MARCHF1: variants seen among roughly 807,000 people sequenced by gnomAD.
MARCHF1 encodes E3 ubiquitin-protein ligase MARCHF1.
Under a neutral mutation model 54.2 loss-of-function variants are expected in MARCHF1, and 40 were observed. The observed-to-expected ratio is 0.74, with a 90% CI of 0.57 to 0.96. MARCHF1 has a LOEUF of 0.96. Among genes scored for constraint, MARCHF1 ranks in the 40% least tolerant of loss-of-function variants. The pLI, the probability that MARCHF1 is intolerant of heterozygous loss-of-function variation, is 0.00. For synonymous variants in MARCHF1, 236 were observed against 236.3 expected (o/e 1.00, Z 0.01); for missense variants, 586 against 656.5 (o/e 0.89, Z 1.17).
At chr4:164,352,524 G>A (rs1730379447) in intron 1 of MARCHF1, among the ~76,000 whole-genome samples, 1 of 142,524 alleles carries the variant, frequency 7.0e-6, no homozygotes, top group Admixed American at 7.0e-5. Context: ...CTTCATAAGT[G>A]AAGGAGAAAT....
At chr4:163,545,945 ATATG>A (rs1208442706) in intron 8 of MARCHF1, among the ~76,000 whole-genome samples, 1 of 91,192 alleles carries the variant, frequency 1.1e-5, no homozygotes, top group Admixed American at 1.4e-4. Context: ...ACTTAAATAC[ATATG>A]TGTGTGTGTG....
At chr4:163,931,567 C>T (rs753830394) in intron 3 of MARCHF1, among the ~76,000 whole-genome samples, 2 of 152,060 alleles carry the variant, frequency 1.3e-5, no homozygotes, top group Non-Finnish European at 1.5e-5. Flanking sequence ...ATATACTAGT[C>T]CCTAAATCTT....
chr4:163,536,622 G>A (rs1738537637), intron 9 of MARCHF1, among the ~76,000 whole-genome samples: 1 of 152,084 alleles, frequency 6.6e-6, no homozygotes, highest in Non-Finnish European at 1.5e-5. Context: ...ATAAATGAAA[G>A]CTTTTACAAC....
intron 1 of MARCHF1, among the ~76,000 whole-genome samples, chr4:164,270,492 G>T (rs1037265911): frequency 2.0e-5 from 3 of 152,072 alleles, no homozygotes; most frequent in Non-Finnish European, 2.9e-5. Context: ...ATTTCTGTTT[G>T]GTTCACTGGT....
At position 163,527,186 on chromosome 4, in the gene MARCHF1, A is replaced by G. The variant is rs1738141715; in HGVS notation, c.*1562T>C. ...GCTACTGTATCTATAATCACCGTTA[A>G]TCTAGCTCACTGCAATGTCATTCAC... is the stretch of plus-strand genomic sequence containing the variant. On this transcript the variant is annotated 3_prime_UTR_variant, in exon 10 of 10. Coordinates refer to ENST00000514618, the MANE Select transcript of MARCHF1 (RefSeq NM_001394959.1). The G allele has an allele frequency of 6.6e-6, 1 of 152,032 alleles. No homozygotes were observed. Among genetic ancestry groups the G allele is most frequent in the Admixed American group, 6.6e-5 (1 of 15,234 alleles). The allele number at this position is 152,032 out of a possible 1,614,324, so 9.4% of individuals were successfully genotyped here. A position where few individuals can be genotyped will look rare whatever the true frequency, so the allele number is the denominator to read the frequency against.
At chr4:164,241,153 A>G in intron 1 of MARCHF1, among the ~76,000 whole-genome samples, 1 of 151,992 alleles carries the variant, frequency 6.6e-6, no homozygotes. Context: ...TCGCCCTGTG[A>G]CCCCCTCACC....
intron 1 of MARCHF1, among the ~76,000 whole-genome samples, chr4:164,369,587 GTACATATA>G (rs750848941): frequency 1.5e-3 from 223 of 152,022 alleles, no homozygotes; most frequent in Non-Finnish European, 2.5e-3. Flanking sequence ...CGAAAAAAAA[GTACATATA>G]TACATATGTA....
intron 4 of MARCHF1, among the ~76,000 whole-genome samples, chr4:163,770,085 C>CTTATT (rs4056990): frequency 0.98 from 149,149 of 152,086 alleles, 73,200 homozygotes; most frequent in East Asian, 1. Flanking sequence ...TTTTCTCTAG[C>CTTATT]TTATTTTAAG....
chr4:163,988,113 A>G (rs1271086163), intron 3 of MARCHF1, among the ~76,000 whole-genome samples: 1 of 152,180 alleles, frequency 6.6e-6, no homozygotes, highest in Non-Finnish European at 1.5e-5. Context: ...TTTAATGGGC[A>G]GTGAGGAAAA....
intron 1 of MARCHF1, among the ~76,000 whole-genome samples, chr4:164,235,132 A>T (rs1401720827): frequency 6.6e-6 from 1 of 151,662 alleles, no homozygotes; most frequent in Non-Finnish European, 1.5e-5. Context: ...CTACCAAATC[A>T]TTCACTTCTC....
chr4:163,854,792 T>G (rs1052053427), intron 3 of MARCHF1, among the ~76,000 whole-genome samples: 5 of 152,196 alleles, frequency 3.3e-5, no homozygotes, highest in African/African-American at 9.6e-5. Context: ...GTAGAAATAT[T>G]CCACAACTCT....
rs545225101 is a variant in MARCHF1 at position 163,859,254 on chromosome 4, A to T, written c.-38-5085T>A. 1.2e-4 allele frequency among the ~76,000 whole-genome samples: 18 copies of T among 152,294 alleles called. No individual in the cohort carries two copies. In the South Asian group the frequency reaches 3.7e-3, roughly 32 times the overall value. The stretch of plus-strand genomic sequence containing the variant: ...ACCACTAACCTTTCTATGAATTCAG[A>T]TAAGCTACCCTCACCTTGTAAGGTG... On this transcript the variant is annotated intron_variant, in intron 3 of 9. Transcript: ENST00000514618.
intron 1 of MARCHF1, among the ~76,000 whole-genome samples, chr4:164,244,343 G>C (rs952684537): frequency 1.3e-5 from 2 of 152,206 alleles, no homozygotes; most frequent in South Asian, 2.1e-4. Flanking sequence ...TGAACAACCT[G>C]CTCCTGAATG....
At chr4:164,346,959 T>A (rs1009002183) in intron 1 of MARCHF1, among the ~76,000 whole-genome samples, 1 of 152,210 alleles carries the variant, frequency 6.6e-6, no homozygotes, top group East Asian at 1.9e-4. Context: ...AACTCCCTGT[T>A]TTTTAAGACT....
chr4:164,052,138 T>A (rs1391593850), intron 2 of MARCHF1, among the ~76,000 whole-genome samples: 1 of 71,240 alleles, frequency 1.4e-5, no homozygotes, highest in African/African-American at 4.4e-5. Context: ...TTTGGAAGTT[T>A]TTTTTTTTGT....
intron 1 of MARCHF1, among the ~76,000 whole-genome samples, chr4:164,247,757 C>T (rs557482472): frequency 3.3e-5 from 5 of 150,124 alleles, no homozygotes; most frequent in African/African-American, 1.2e-4. Context: ...CTAAAGGTAA[C>T]TGAGATCTTA....
intron 1 of MARCHF1, among the ~76,000 whole-genome samples, chr4:164,338,602 G>A (rs1175465597): frequency 2.0e-5 from 3 of 152,120 alleles, no homozygotes; most frequent in Admixed American, 2.0e-4. Context: ...AAGAGCAGGG[G>A]TAATTATATA....
At position 163,853,603 on chromosome 4, in the gene MARCHF1, CA is replaced by C. The variant is rs530679344; in HGVS notation, c.111+417del. Among the ~76,000 whole-genome samples the C allele has an allele frequency of 1.5e-4, 23 of 152,186 alleles. No individual in the cohort carries two copies. The East Asian group carries it at 2.3e-3, about 15-fold the overall frequency. On this transcript the variant is annotated intron_variant, in intron 4 of 9. Coordinates refer to ENST00000514618, the MANE Select transcript of MARCHF1 (RefSeq NM_001394959.1). ...ATAATTTTTGATTCTATTACTGAGA[CA>C]TTTTTAGAAAAAATATAGAAAAATA...
intron 1 of MARCHF1, among the ~76,000 whole-genome samples, chr4:164,301,435 G>T (rs1362731705): frequency 1.3e-5 from 2 of 152,226 alleles, no homozygotes; most frequent in Non-Finnish European, 2.9e-5. Context: ...TCTTAAGAAG[G>T]CAGGTCTGGA....
Sources: allele counts gnomAD v4.1 joint callset (sites outside exome capture counted in the v4.1 genomes callset), GRCh38; gene constraint gnomAD v4.1.1; transcripts MANE v1.5; gene names NCBI Gene and HGNC (gene_info 2026-07-23, HGNC 2026-07-21).